COA7: variants seen among roughly 807,000 people sequenced by gnomAD.
COA7 encodes cytochrome c oxidase assembly factor 7.
Under a neutral mutation model 21.0 loss-of-function variants are expected in COA7, and 12 were observed. The ratio of observed to expected loss-of-function variants is 0.57; its 90% confidence interval spans 0.37 to 0.92. COA7 has a LOEUF of 0.92. COA7 is among the 40% of genes least tolerant of loss of function. The pLI, the probability that COA7 is intolerant of heterozygous loss-of-function variation, is 0.01. For synonymous variants in COA7, 95 were observed against 107.4 expected (o/e 0.88, Z 0.72); for missense variants, 240 against 286.1 (o/e 0.84, Z 1.16).
chr1:52,689,490 T>C (rs572602341), intron 2 of COA7, among the ~76,000 whole-genome samples: 1 of 152,118 alleles, frequency 6.6e-6, no homozygotes, highest in Middle Eastern at 3.4e-3. Flanking sequence ...TTTAAGCTCA[T>C]CAGCTATCAT....
chr1:52,694,155 T>TA (rs1352595631), intron 1 of COA7, among the ~76,000 whole-genome samples: 1 of 152,050 alleles, frequency 6.6e-6, no homozygotes, highest in Non-Finnish European at 1.5e-5. Context: ...ACCTAACAGG[T>TA]ACAAGTGCAT....
At chr1:52,689,160 ATTT>A (rs1195625684) in intron 2 of COA7, among the ~76,000 whole-genome samples, 1 of 145,676 alleles carries the variant, frequency 6.9e-6, no homozygotes, top group Non-Finnish European at 1.5e-5. Context: ...TATTATTATT[ATTT>A]TTTTTTTTTT....
intron 2 of COA7, among the ~76,000 whole-genome samples, chr1:52,691,287 G>T (rs1644044803): frequency 6.6e-6 from 1 of 151,900 alleles, no homozygotes; most frequent in Admixed American, 6.6e-5. Context: ...GGGGGCACGT[G>T]CCTATAGTTC....
intron 1 of COA7, among the ~76,000 whole-genome samples, chr1:52,693,120 T>C (rs879429503): frequency 1.3e-5 from 2 of 152,196 alleles, no homozygotes; most frequent in African/African-American, 2.4e-5. Context: ...AGCCCCTGCA[T>C]TGGCTCTACC....
At chr1:52,695,474 A>C (rs1425650494) in intron 1 of COA7, among the ~76,000 whole-genome samples, 1 of 151,990 alleles carries the variant, frequency 6.6e-6, no homozygotes, top group Non-Finnish European at 1.5e-5. Flanking sequence ...CAGAAAACAA[A>C]CAACCAAAAA....
At chr1:52,695,948 C>T (rs448788) in intron 1 of COA7, among the ~76,000 whole-genome samples, 53,545 of 152,032 alleles carry the variant, frequency 0.35, 11,495 homozygotes, top group Non-Finnish European at 0.49. Flanking sequence ...CATTCAAGCC[C>T]TGACATACTG....
Position 52,692,839 on chromosome 1 carries a change from T to C in COA7, c.135A>G (p.Glu45=), listed in dbSNP as rs1644057516. The C allele has an allele frequency of 3.7e-6, 6 of 1,614,034 alleles. No individual in the cohort carries two copies. The East Asian group carries it at 1.3e-4, about 36-fold the overall frequency. Residue 45 remains glutamate, a synonymous_variant, in exon 2 of 3, where the codon GAA becomes GAG. Transcript: ENST00000371538. ...CCTCATCAAAATTCTTCCGGATCCC[T>C]TCCAAATAGTCCACCAGCCGATAGC... The part of the protein sequence containing the change: ...DGCYRLVDYL[E]GIRKNFDEAA...
Position 52,687,961 on chromosome 1 carries a change from T to G in COA7, c.455A>C (p.Asn152Thr). 1 of 1,614,198 alleles carries G rather than the reference T, an allele frequency of 6.2e-7. No homozygotes were observed. Among genetic ancestry groups the G allele is most frequent in the Non-Finnish European group, 8.5e-7 (1 of 1,180,050 alleles). ...CDGGYTSSCF[N>T]LSAMFLQGAP... ...ACCCTGCAGGAACATGGCACTGAGG[T>G]TGAAGCAACTGGAAGTATAGCCACC... is the stretch of plus-strand genomic sequence containing the variant. Residue 152 changes from asparagine to threonine, a missense_variant, in exon 3 of 3, where the codon AAC becomes ACC. Physicochemically the swap from Asn to Thr is moderately conservative, Grantham distance 65 (BLOSUM62 0). This residue lies in a region of COA7 where 163 missense variants were observed against 214.1 expected (regional missense o/e 0.76). Transcript: ENST00000371538.
At chr1:52,693,870 T>A (rs1315036665) in intron 1 of COA7, among the ~76,000 whole-genome samples, 1 of 152,232 alleles carries the variant, frequency 6.6e-6, no homozygotes, top group Non-Finnish European at 1.5e-5. Flanking sequence ...TCTCTATGCA[T>A]CTATGTACCA....
intron 1 of COA7, among the ~76,000 whole-genome samples, chr1:52,696,096 C>G (rs903408059): frequency 6.6e-6 from 1 of 152,170 alleles, no homozygotes. Context: ...TCTTCCCTAA[C>G]CACCCTGTTC....
intron 2 of COA7, among the ~76,000 whole-genome samples, chr1:52,691,868 A>G (rs1407149333): frequency 6.6e-6 from 1 of 152,188 alleles, no homozygotes; most frequent in Non-Finnish European, 1.5e-5. Flanking sequence ...GGCTACATCT[A>G]ATAAATATGT....
Position 52,686,172 on chromosome 1 carries a change from A to C in COA7, c.*1548T>G, listed in dbSNP as rs1644001355. 1 of 151,816 alleles carries C rather than the reference A, an allele frequency of 6.6e-6. No homozygotes were observed. The highest frequency in any genetic ancestry group is 2.4e-5 in the African/African-American group (1 of 41,348). 9.4% of individuals were successfully genotyped at this position (151,816 alleles called of 1,614,324 possible). On this transcript the variant is annotated 3_prime_UTR_variant, in exon 3 of 3. Transcript: ENST00000371538. ...TGAGCCACCACGCCTGGCCTGACCT[A>C]GTTTAAGCACACCAAAAGCTACTTT... is the stretch of plus-strand genomic sequence containing the variant.
At chr1:52,697,742 T>G (rs1374539121) in intron 1 of COA7, among the ~76,000 whole-genome samples, 1 of 151,788 alleles carries the variant, frequency 6.6e-6, no homozygotes, top group Admixed American at 6.6e-5. Context: ...CCGGCTAATT[T>G]TTTGTATTTT....
In COA7 at chr1:52,687,765, T is replaced by A; in HGVS notation, c.651A>T (p.Leu217=). Residue 217 remains leucine, a synonymous_variant, in exon 3 of 3, where the codon CTA becomes CTT. Coordinates refer to ENST00000371538, the MANE Select transcript of COA7 (RefSeq NM_023077.3). The part of the protein sequence containing the change: ...AEVLKNRAQQ[L]HKEQQKGVQP... ...GGACACCTTTCTGCTGTTCTTTGTG[T>A]AGCTGCTGGGCTCGATTTTTTAGCA... 6.2e-7 allele frequency: 1 copy of A among 1,614,268 alleles called. No individual in the cohort carries two copies. Among genetic ancestry groups the A allele is most frequent in the Non-Finnish European group, 8.5e-7 (1 of 1,180,046 alleles).
chr1:52,694,639 T>TG (rs1234545569), intron 1 of COA7, among the ~76,000 whole-genome samples: 1 of 152,122 alleles, frequency 6.6e-6, no homozygotes, highest in Non-Finnish European at 1.5e-5. Context: ...ACTGAGCCAC[T>TG]GGGGAGGGGC....
chr1:52,693,153 T>C (rs2149904981), intron 1 of COA7, among the ~76,000 whole-genome samples: 1 of 152,340 alleles, frequency 6.6e-6, no homozygotes, highest in South Asian at 2.1e-4. Flanking sequence ...TTCTGCTCCC[T>C]GTCAGCCACG....
chr1:52,689,530 C>T (rs3120796), intron 2 of COA7, among the ~76,000 whole-genome samples: 51,810 of 151,496 alleles, frequency 0.34, 9,267 homozygotes, highest in African/African-American at 0.39. Context: ...CCCAAGACAA[C>T]TCTTCTTCCA....
intron 2 of COA7, among the ~76,000 whole-genome samples, chr1:52,689,616 G>A (rs1197742387): frequency 2.6e-5 from 4 of 152,004 alleles, no homozygotes; most frequent in Non-Finnish European, 2.9e-5. Context: ...GAGGCCAGGC[G>A]TGGTGACTCA....
intron 2 of COA7, among the ~76,000 whole-genome samples, chr1:52,689,597 A>G (rs554665481): frequency 6.6e-6 from 1 of 152,154 alleles, no homozygotes; most frequent in South Asian, 2.1e-4. Flanking sequence ...ATTGATTTAA[A>G]ATACACAGGA....
Sources: gnomAD v4.1 joint callset for allele counts (sites outside exome capture counted in the v4.1 genomes callset) on GRCh38, gnomAD v4.1.1 for gene constraint, gnomAD v4.1.1 regional missense constraint, MANE v1.5 for transcripts, NCBI Gene and HGNC (gene_info 2026-07-23, HGNC 2026-07-21) for gene names.